Variants in THSD4 observed in about 807,000 individuals in gnomAD.
THSD4 encodes the protein thrombospondin type-1 domain-containing protein 4.
Under a neutral mutation model 119.0 loss-of-function variants are expected in THSD4, and 69 were observed. The observed-to-expected ratio is 0.58, with a 90% CI of 0.48 to 0.71. THSD4 has a LOEUF of 0.71. THSD4 is among the 30% of genes least tolerant of loss of function. THSD4 has a pLI of 0.00. For missense variants in THSD4, 1,393 were observed against 1,391.1 expected, an observed-to-expected ratio of 1.00 and a Z score of -0.02; for synonymous variants, 524 against 540.4, an observed-to-expected ratio of 0.97 and a Z score of 0.42.
At chr15:71,490,935 C>G (rs897319639) in intron 7 of THSD4, among the ~76,000 whole-genome samples, 2 of 152,184 alleles carry the variant, frequency 1.3e-5, no homozygotes, top group African/African-American at 4.8e-5. Flanking sequence ...CCTGCCAAGC[C>G]TGAAATATAT....
intron 7 of THSD4, among the ~76,000 whole-genome samples, chr15:71,627,785 A>G (rs1258593466): frequency 1.3e-5 from 2 of 152,182 alleles, no homozygotes; most frequent in African/African-American, 4.8e-5. Flanking sequence ...GCTGTGAGTC[A>G]TTTGTCACTG....
rs1566954523 is a variant in THSD4, at chr15:71,362,074, T to A, written c.1016-49613T>A. Among the ~76,000 whole-genome samples, 3 of 152,108 alleles carry A rather than the reference T, an allele frequency of 2.0e-5. No individual in the cohort carries two copies. In the South Asian group the frequency reaches 6.2e-4, roughly 32 times the overall value. On this transcript the variant is annotated intron_variant, in intron 6 of 17. Transcript: ENST00000261862. ...GGTAGATCACTTGAGGTCAGGAGTT[T>A]GAGACCAGCCTGGCCAACATGGCGA...
At chr15:71,704,634 G>A (rs996580726) in intron 8 of THSD4, among the ~76,000 whole-genome samples, 6 of 152,174 alleles carry the variant, frequency 3.9e-5, no homozygotes, top group Admixed American at 1.3e-4. Flanking sequence ...ATACAACCCT[G>A]TATTATATAA....
At chr15:71,294,291 T>C (rs1437964421) in intron 6 of THSD4, among the ~76,000 whole-genome samples, 1 of 152,180 alleles carries the variant, frequency 6.6e-6, no homozygotes, top group Non-Finnish European at 1.5e-5. Context: ...TCTAGCTCAG[T>C]TACCAGGAGT....
chr15:71,390,923 G>A (rs1208395848), intron 6 of THSD4, among the ~76,000 whole-genome samples: 1 of 124,370 alleles, frequency 8.0e-6, no homozygotes, highest in African/African-American at 3.1e-5. Flanking sequence ...GCAGTGACAC[G>A]ATCATAGCTC....
intron 8 of THSD4, among the ~76,000 whole-genome samples, chr15:71,727,577 TATATATATATACACACACACACACACAC>T (rs1432313254): frequency 8.3e-5 from 3 of 36,092 alleles, no homozygotes; most frequent in African/African-American, 3.3e-4. Context: ...TATATATATA[TATATATATATACACACACACACACACAC>T]ACACACACAC....
chr15:71,111,467 A>G, upstream of THSD4: 6 of 1,448,610 alleles, frequency 4.1e-6, no homozygotes, highest in South Asian at 7.5e-5. Flanking sequence ...GGAGGCAAGC[A>G]GGGGAGGGAA....
intron 2 of THSD4, among the ~76,000 whole-genome samples, chr15:71,146,554 G>T (rs912549372): frequency 1.3e-5 from 2 of 150,412 alleles, no homozygotes; most frequent in Admixed American, 1.3e-4. Context: ...TCTTGTGCTT[G>T]CTTTCATGGG....
chr15:71,305,031 A>G (rs2045005265), intron 6 of THSD4, among the ~76,000 whole-genome samples: 1 of 152,230 alleles, frequency 6.6e-6, no homozygotes, highest in South Asian at 2.1e-4. Flanking sequence ...CATCCAACAC[A>G]TATTCTTTTC....
At chr15:71,225,378 TAA>T (rs1261991721) in intron 4 of THSD4, among the ~76,000 whole-genome samples, 1 of 152,124 alleles carries the variant, frequency 6.6e-6, no homozygotes, top group Non-Finnish European at 1.5e-5. Flanking sequence ...ATTCATAAAA[TAA>T]AGAGGTCCTT....
chr15:71,400,846 AAG>A (rs2046521604), intron 6 of THSD4, among the ~76,000 whole-genome samples: 1 of 152,158 alleles, frequency 6.6e-6, no homozygotes, highest in Non-Finnish European at 1.5e-5. Flanking sequence ...AAAAAAAAAA[AAG>A]AACTTGAGCC....
At chr15:71,581,670 G>A (rs577683370) in intron 7 of THSD4, among the ~76,000 whole-genome samples, 15 of 152,148 alleles carry the variant, frequency 9.9e-5, no homozygotes, top group African/African-American at 3.6e-4. Context: ...ACACAATTCA[G>A]TCTTTAATCC....
intron 7 of THSD4, among the ~76,000 whole-genome samples, chr15:71,415,848 G>C (rs1398698957): frequency 6.6e-6 from 1 of 152,166 alleles, no homozygotes; most frequent in East Asian, 1.9e-4. Flanking sequence ...CCAGGTTGAA[G>C]TGCAGTGCTG....
chr15:71,702,190 GC>G (rs1450140916), intron 8 of THSD4, among the ~76,000 whole-genome samples: 2 of 152,014 alleles, frequency 1.3e-5, no homozygotes, highest in Non-Finnish European at 1.5e-5. Flanking sequence ...TCGTCCAGGG[GC>G]CCCCCAGAAC....
rs2054007745 is a variant in THSD4, at chr15:71,782,180, TGCAGGG to T, written c.*4810_*4815del. On this transcript the variant is annotated 3_prime_UTR_variant, in exon 18 of 18. Transcript: ENST00000261862. The stretch of plus-strand genomic sequence containing the variant: ...AGCTCGACTGGAGTTTCTGCACCTT[TGCAGGG>T]GCAAAGTAACTCCCTGCACCCTGAA... 1 of 152,250 alleles carries T rather than the reference TGCAGGG, an allele frequency of 6.6e-6. No homozygotes were observed. Among genetic ancestry groups the T allele is most frequent in the Admixed American group, 6.5e-5 (1 of 15,274 alleles). 9.4% of individuals were successfully genotyped at this position (152,250 alleles called of 1,614,324 possible). A position where few individuals can be genotyped will look rare whatever the true frequency, so the allele number is the denominator to read the frequency against.
intron 6 of THSD4, among the ~76,000 whole-genome samples, chr15:71,311,594 G>T (rs1315584486): frequency 6.6e-6 from 1 of 152,116 alleles, no homozygotes; most frequent in Non-Finnish European, 1.5e-5. Context: ...ACTGATCCTT[G>T]CCTTCTGCTT....
At chr15:71,744,153 T>C (rs937507612) in intron 11 of THSD4, among the ~76,000 whole-genome samples, 3 of 149,672 alleles carry the variant, frequency 2.0e-5, no homozygotes, top group African/African-American at 7.4e-5. Context: ...TCAGCTTTTT[T>C]TTTTTTTTTT....
At chr15:71,309,659 A>C (rs2045083874) in intron 6 of THSD4, among the ~76,000 whole-genome samples, 1 of 152,206 alleles carries the variant, frequency 6.6e-6, no homozygotes, top group Admixed American at 6.5e-5. Context: ...TAGTATTTGT[A>C]AATGGTGTGA....
chr15:71,123,559 G>GGAGTGT (rs1567131816), intron 1 of THSD4, among the ~76,000 whole-genome samples: 3 of 152,196 alleles, frequency 2.0e-5, no homozygotes, highest in Admixed American at 6.5e-5. Flanking sequence ...TTCTTGCCTG[G>GGAGTGT]GAGTGTGAGA....
Sources: gnomAD v4.1 joint callset for allele counts (sites outside exome capture counted in the v4.1 genomes callset) on GRCh38, gnomAD v4.1.1 for gene constraint, MANE v1.5 for transcripts, NCBI Gene and HGNC (gene_info 2026-07-23, HGNC 2026-07-21) for gene names.